Variants in KSR2 observed in about 807,000 individuals in gnomAD.
KSR2 encodes the protein kinase suppressor of ras 2.
KSR2 carries 25 observed loss-of-function variants against 107.8 expected under a neutral mutation model. The observed-to-expected ratio is 0.23, with a 90% CI of 0.17 to 0.32. The LOEUF is 0.32. Among genes scored for constraint, KSR2 ranks in the 10% least tolerant of loss-of-function variants. The probability of loss-of-function intolerance (pLI) is 1.00; values close to 1 mark genes in which losing one functional copy is unlikely to be tolerated. For synonymous variants in KSR2, 480 were observed against 507.0 expected (o/e 0.95, Z 0.71); for missense variants, 887 against 1,268.9 (o/e 0.70, Z 4.57).
At chr12:117,814,172 G>A (rs146907137) in intron 3 of KSR2, among the ~76,000 whole-genome samples, 1,572 of 152,224 alleles carry the variant, frequency 0.01, 18 homozygotes, top group Non-Finnish European at 0.016. Context: ...AGCCAGATGG[G>A]AGGAATAAGT....
intron 3 of KSR2, among the ~76,000 whole-genome samples, chr12:117,805,018 C>A (rs1687591694): frequency 1.3e-5 from 2 of 152,152 alleles, no homozygotes; most frequent in South Asian, 4.1e-4. Context: ...AGTAGGGTGA[C>A]CAACCATCGC....
At position 117,760,904 on chromosome 12, in the gene KSR2, G is replaced by A. The variant is rs1015300962; in HGVS notation, c.986+107C>T. 4 of 1,385,384 alleles carry A rather than the reference G, an allele frequency of 2.9e-6. No homozygotes were observed. The African/African-American group carries it at 4.3e-5, about 15-fold the overall frequency. The allele number at this position is 1,385,384 out of a possible 1,614,324, so 85.8% of individuals were successfully genotyped here. A position where few individuals can be genotyped will look rare whatever the true frequency, so the allele number is the denominator to read the frequency against. Reference sequence around the variant, plus strand: ...TTTTCATTCAACCAGAGTCTGGAACGCAAGTCTGTTCCCGGTTTCCTTGAC... The same window carrying A: ...TTTTCATTCAACCAGAGTCTGGAACACAAGTCTGTTCCCGGTTTCCTTGAC... On this transcript the variant is annotated intron_variant, in intron 4 of 19. Transcript: ENST00000339824.
chr12:117,524,760 C>T (rs1365311808), intron 14 of KSR2, 92 bp downstream of exon 14: 1 of 1,440,184 alleles, frequency 6.9e-7, no homozygotes, highest in Admixed American at 2.4e-5. Context: ...GGTCTATTAA[C>T]CAGAGTGGTC....
chr12:117,949,837 A>G (rs1366546768), intron 1 of KSR2, among the ~76,000 whole-genome samples: 1 of 152,216 alleles, frequency 6.6e-6, no homozygotes, highest in East Asian at 1.9e-4. Flanking sequence ...ACATTTGCCA[A>G]AACTCAGTAA....
At chr12:117,772,284 C>T (rs552420831) in intron 3 of KSR2, among the ~76,000 whole-genome samples, 19 of 136,396 alleles carry the variant, frequency 1.4e-4, no homozygotes, top group African/African-American at 4.6e-4. Context: ...CGCACACACA[C>T]TCACACATAC....
At position 117,878,945 on chromosome 12, in the gene KSR2, C is replaced by T. The variant is rs138277409; in HGVS notation, c.181-18514G>A. Among the ~76,000 whole-genome samples the T allele has an allele frequency of 9.0e-3, 1,375 of 152,198 alleles. 31 individuals carry two copies. The highest frequency in any genetic ancestry group is 0.031 in the African/African-American group (1,293 of 41,514). ...ATAGTGAACAAACAAAGGCCATAGA[C>T]GCATAGTGAATCAACATGCATCCTA... On this transcript the variant is annotated intron_variant, in intron 1 of 19. Coordinates refer to ENST00000339824, the MANE Select transcript of KSR2 (RefSeq NM_173598.6).
rs543355281 is a variant in KSR2 at position 117,776,170 on chromosome 12, C to T, written c.473-14646G>A. Among the ~76,000 whole-genome samples the T allele has an allele frequency of 3.3e-5, 5 of 152,254 alleles. No homozygotes were observed. In the East Asian group the frequency reaches 9.7e-4, roughly 29 times the overall value. On this transcript the variant is annotated intron_variant, in intron 3 of 19. Coordinates refer to ENST00000339824, the MANE Select transcript of KSR2 (RefSeq NM_173598.6). ...CCATCCATCCATCCAGCCCCAACCC[C>T]ATATTCCTTCCCCTCCACTGTGTAG...
chr12:117,786,213 T>C (rs1294573884), intron 3 of KSR2, among the ~76,000 whole-genome samples: 2 of 152,228 alleles, frequency 1.3e-5, no homozygotes, highest in Non-Finnish European at 2.9e-5. Flanking sequence ...TAACAACATT[T>C]AAGAAAGAAG....
At chr12:117,613,465 G>A (rs1881711951) in intron 5 of KSR2, among the ~76,000 whole-genome samples, 1 of 152,088 alleles carries the variant, frequency 6.6e-6, no homozygotes, top group African/African-American at 2.4e-5. Context: ...TGCCACCCGA[G>A]GCTGATCAGT....
chr12:117,897,096 C>A lies in KSR2; in HGVS notation c.181-36665G>T, dbSNP rs1894537487. Among the ~76,000 whole-genome samples, 1 of 152,188 alleles carries A rather than the reference C, an allele frequency of 6.6e-6. No individual in the cohort carries two copies. The highest frequency in any genetic ancestry group is 1.5e-5 in the Non-Finnish European group (1 of 68,042). On this transcript the variant is annotated intron_variant, in intron 1 of 19. Coordinates refer to ENST00000339824, the MANE Select transcript of KSR2 (RefSeq NM_173598.6). The surrounding 1 kb of genome is among the most constrained non-coding windows in gnomAD (Gnocchi z 4.5). ...CTGCCCTGTTCCTCTTCGCCCAAGT[C>A]TACCGGGACTGATGTTCAGCTTGAG...
intron 4 of KSR2, among the ~76,000 whole-genome samples, chr12:117,723,045 T>C (rs9651908): frequency 0.38 from 58,143 of 151,998 alleles, 11,291 homozygotes; most frequent in Middle Eastern, 0.48. Context: ...GGGGTGCCAT[T>C]CAGGAAGTCA....
intron 14 of KSR2, among the ~76,000 whole-genome samples, chr12:117,507,565 G>A (rs1249782332): frequency 6.6e-6 from 1 of 152,208 alleles, no homozygotes; most frequent in African/African-American, 2.4e-5. Flanking sequence ...GAAGGCTTCT[G>A]GAGTTGCAAA....
chr12:117,721,396 C>T (rs1203974359), intron 4 of KSR2, among the ~76,000 whole-genome samples: 1 of 152,110 alleles, frequency 6.6e-6, no homozygotes, highest in African/African-American at 2.4e-5. Flanking sequence ...GTATAGAAGG[C>T]TATATGGTCA....
intron 4 of KSR2, among the ~76,000 whole-genome samples, chr12:117,696,437 A>C (rs1441928647): frequency 6.6e-6 from 1 of 152,116 alleles, no homozygotes; most frequent in Non-Finnish European, 1.5e-5. Context: ...ACAGGTTTAG[A>C]GACAAACTTG....
intron 9 of KSR2, among the ~76,000 whole-genome samples, chr12:117,549,898 G>A (rs1877171177): frequency 6.6e-6 from 1 of 152,186 alleles, no homozygotes; most frequent in Non-Finnish European, 1.5e-5. Context: ...TTTGAGGACA[G>A]ACTCATTAAT....
intron 14 of KSR2, among the ~76,000 whole-genome samples, chr12:117,503,243 G>A (rs768931597): frequency 3.3e-5 from 5 of 152,168 alleles, no homozygotes; most frequent in Non-Finnish European, 5.9e-5. Context: ...CAGGTAGACA[G>A]ACCAGAGTCT....
intron 5 of KSR2, among the ~76,000 whole-genome samples, chr12:117,627,025 CTTT>C (rs201042072): frequency 6.9e-6 from 1 of 144,682 alleles, no homozygotes; most frequent in Admixed American, 6.9e-5. Flanking sequence ...GCAACCCCTG[CTTT>C]TTTTTTTTGC....
chr12:117,713,781 G>C (rs2136663912), intron 4 of KSR2, among the ~76,000 whole-genome samples: 1 of 152,272 alleles, frequency 6.6e-6, no homozygotes, highest in African/African-American at 2.4e-5. Flanking sequence ...AGGGCTTCTG[G>C]AGTGAGAGGT....
rs567489431 is a variant in KSR2, at chr12:117,777,510, G to A, written c.473-15986C>T. Among the ~76,000 whole-genome samples, 6 of 152,292 alleles carry A rather than the reference G, an allele frequency of 3.9e-5. No individual in the cohort carries two copies. In the East Asian group the frequency reaches 5.8e-4, roughly 15 times the overall value. ...ACCTCAGGGGTTGTGCACATCAGGC[G>A]ACTCAAAGTTTTTTACCACTCTGCA... On this transcript the variant is annotated intron_variant, in intron 3 of 19. Transcript: ENST00000339824.
Sources: gnomAD v4.1 joint callset for allele counts (sites outside exome capture counted in the v4.1 genomes callset) on GRCh38, gnomAD v4.1.1 for gene constraint, Gnocchi (gnomAD v3.1) non-coding constraint, MANE v1.5 for transcripts, NCBI Gene and HGNC (gene_info 2026-07-23, HGNC 2026-07-21) for gene names.